Variants in GRIK2 observed in about 807,000 individuals in gnomAD.
GRIK2 encodes glutamate receptor ionotropic, kainate 2.
In GRIK2, 32 loss-of-function variants were observed where a neutral mutation model predicts 100.3. The ratio of observed to expected loss-of-function variants is 0.32; its 90% confidence interval spans 0.24 to 0.43. The LOEUF is 0.43. GRIK2 is among the 20% of genes least tolerant of loss of function. The pLI is 1.00. For missense variants in GRIK2, 843 were observed against 1,114.9 expected (o/e 0.76, Z 3.47); for synonymous variants, 417 against 389.4 (o/e 1.07, Z -0.83).
rs1017675526 is a variant in GRIK2, at chr6:101,659,856, C to T, written c.542-16767C>T. Among the ~76,000 whole-genome samples, 3 of 152,154 alleles carry T rather than the reference C, an allele frequency of 2.0e-5. No homozygotes were observed. In the East Asian group the frequency reaches 5.8e-4, roughly 29 times the overall value. ...AGAGATACACTGTTAGTCTGATGGG[C>T]TTTCCTTTGTGGGTAACCAGATCTT... On this transcript the variant is annotated intron_variant, in intron 4 of 16. Coordinates refer to ENST00000369134, the MANE Select transcript of GRIK2 (RefSeq NM_021956.5).
intron 2 of GRIK2, among the ~76,000 whole-genome samples, chr6:101,576,888 G>GAA (rs58349222): frequency 8.8e-5 from 13 of 148,154 alleles, no homozygotes; most frequent in East Asian, 3.9e-4. Context: ...TCCATTTCAG[G>GAA]AAAAAAAAAA....
intron 11 of GRIK2, among the ~76,000 whole-genome samples, chr6:101,875,514 T>TA (rs1785764105): frequency 6.6e-6 from 1 of 151,892 alleles, no homozygotes; most frequent in South Asian, 2.1e-4. Flanking sequence ...ATTTTTTTTT[T>TA]ACAGAAATAA....
chr6:101,613,107 G>A (rs1779753415), intron 2 of GRIK2, among the ~76,000 whole-genome samples: 1 of 151,772 alleles, frequency 6.6e-6, no homozygotes, highest in Non-Finnish European at 1.5e-5. Context: ...CAGTGGAGAT[G>A]CATTGTTGTG....
At chr6:101,512,655 C>T (rs866318746) in intron 2 of GRIK2, among the ~76,000 whole-genome samples, 1 of 151,862 alleles carries the variant, frequency 6.6e-6, no homozygotes, top group African/African-American at 2.4e-5. Flanking sequence ...TTACGACATT[C>T]TCTTCATAGT....
chr6:101,676,641 A>G lies in GRIK2; in HGVS notation c.560A>G (p.Glu187Gly). 1 of 1,554,746 alleles carries G rather than the reference A, an allele frequency of 6.4e-7. No individual in the cohort carries two copies. The highest frequency in any genetic ancestry group is 8.7e-7 in the Non-Finnish European group (1 of 1,152,464). Residue 187 changes from glutamate to glycine, a missense_variant, in exon 5 of 17, where the codon GAG becomes GGG. By Grantham distance (98) the Glu-to-Gly change is moderately conservative. Coordinates refer to ENST00000369134, the MANE Select transcript of GRIK2 (RefSeq NM_021956.5). ...ATTAAAGGTCTCATTCGTTTGCAAG[A>G]GCTCATCAAAGCTCCATCAAGGTAT... ...DDSTGLIRLQ[E>G]LIKAPSRYNL...
chr6:102,052,971 G>A (rs193157561), intron 15 of GRIK2, among the ~76,000 whole-genome samples: 14 of 152,094 alleles, frequency 9.2e-5, no homozygotes, highest in Admixed American at 4.6e-4. Context: ...AGGATGCTGA[G>A]GCAGGAGAAT....
At chr6:101,481,564 C>T (rs2579940) in intron 2 of GRIK2, among the ~76,000 whole-genome samples, 39,328 of 152,068 alleles carry the variant, frequency 0.26, 5,848 homozygotes, top group East Asian at 0.36. Flanking sequence ...TTTTTACCAA[C>T]TGAAATGGTA....
intron 14 of GRIK2, among the ~76,000 whole-genome samples, chr6:101,955,211 C>T (rs922014457): frequency 4.6e-5 from 7 of 151,948 alleles, no homozygotes; most frequent in African/African-American, 1.4e-4. Flanking sequence ...ACACTGGCCT[C>T]ATGGAGTGAG....
At chr6:101,745,394 C>T (rs1776362961) in intron 7 of GRIK2, among the ~76,000 whole-genome samples, 1 of 152,046 alleles carries the variant, frequency 6.6e-6, no homozygotes, top group African/African-American at 2.4e-5. Context: ...AACAGCTGAG[C>T]ATGATGGGCC....
chr6:101,504,697 T>C (rs1306684692), intron 2 of GRIK2, among the ~76,000 whole-genome samples: 1 of 152,086 alleles, frequency 6.6e-6, no homozygotes, highest in Non-Finnish European at 1.5e-5. Flanking sequence ...GTTTATTATA[T>C]GTTGCCTTCA....
intron 15 of GRIK2, among the ~76,000 whole-genome samples, chr6:102,036,649 A>C (rs566442114): frequency 1.3e-5 from 2 of 151,410 alleles, no homozygotes; most frequent in South Asian, 4.2e-4. Flanking sequence ...TTTGGTATTG[A>C]AGATGTAAGA....
At chr6:101,860,915 G>A (rs1189157618) in intron 11 of GRIK2, 6 of 913,364 alleles carry the variant, frequency 6.6e-6, no homozygotes, top group Non-Finnish European at 7.8e-6. Context: ...AATTTCTGAG[G>A]CATTAGGTAT....
chr6:102,046,412 G>A (rs1417627040), intron 15 of GRIK2, among the ~76,000 whole-genome samples: 4 of 151,848 alleles, frequency 2.6e-5, no homozygotes, highest in African/African-American at 9.7e-5. Flanking sequence ...TGGATCATGG[G>A]GGCAGATTTC....
intron 15 of GRIK2, among the ~76,000 whole-genome samples, chr6:102,038,081 C>A (rs1770365731): frequency 6.6e-6 from 1 of 151,236 alleles, no homozygotes; most frequent in Non-Finnish European, 1.5e-5. Context: ...ATTTTTTAAA[C>A]TAGTAAAAGA....
intron 12 of GRIK2, among the ~76,000 whole-genome samples, chr6:101,922,141 C>CGCTCCCTTCCT (rs1554286919): frequency 1.8e-5 from 1 of 56,454 alleles, no homozygotes; most frequent in East Asian, 4.9e-4. Context: ...CCTTCCTTCC[C>CGCTCCCTTCCT]TCCCTTCCTC....
chr6:101,789,609 A>C (rs192613942), intron 7 of GRIK2, among the ~76,000 whole-genome samples: 5,113 of 151,940 alleles, frequency 0.034, 199 homozygotes, highest in African/African-American at 0.095. Flanking sequence ...GTTACTGTAG[A>C]CTTGTAGTAT....
Position 101,597,442 on chromosome 6 carries a change from G to A in GRIK2, c.116-24507G>A, listed in dbSNP as rs554811016. ...AAATCCCTATCTGAACTTAAGTTTT[G>A]TGTTGATTTTAGTGTATACTGAAAA... On this transcript the variant is annotated intron_variant, in intron 2 of 16. Transcript: ENST00000369134. Among the ~76,000 whole-genome samples the A allele has an allele frequency of 9.9e-5, 15 of 151,700 alleles. No homozygotes were observed. In the South Asian group the frequency reaches 1.9e-3, roughly 19 times the overall value.
intron 2 of GRIK2, among the ~76,000 whole-genome samples, chr6:101,410,078 T>C (rs1451654429): frequency 6.6e-6 from 1 of 152,080 alleles, no homozygotes; most frequent in Non-Finnish European, 1.5e-5. Flanking sequence ...TAATTGGTGT[T>C]CTCAAATATA....
intron 9 of GRIK2, among the ~76,000 whole-genome samples, chr6:101,814,401 A>G (rs911709497): frequency 6.6e-6 from 1 of 152,140 alleles, no homozygotes; most frequent in Non-Finnish European, 1.5e-5. Context: ...AGTGTGATTA[A>G]TAATATATAT....
Sources: allele counts gnomAD v4.1 joint callset (sites outside exome capture counted in the v4.1 genomes callset), GRCh38; gene constraint gnomAD v4.1.1; transcripts MANE v1.5; gene names NCBI Gene and HGNC (gene_info 2026-07-23, HGNC 2026-07-21).